Variants in MAN1C1 observed in about 807,000 individuals in gnomAD.
The protein encoded by MAN1C1 is mannosidase alpha class 1C member 1, also known as mannosyl-oligosaccharide 1,2-alpha-mannosidase IC.
MAN1C1 carries 49 observed loss-of-function variants against 71.5 expected under a neutral mutation model. The observed-to-expected ratio is 0.69, with a 90% CI of 0.54 to 0.87. The LOEUF (loss-of-function observed/expected upper bound fraction) is 0.87, where lower values mean the gene tolerates loss of function less well. Ranked by LOEUF, MAN1C1 falls within the 40% of genes least tolerant of loss-of-function variation. MAN1C1 has a pLI of 0.00. For missense variants in MAN1C1, 743 were observed against 835.0 expected, an observed-to-expected ratio of 0.89 and a Z score of 1.36; for synonymous variants, 352 against 343.7, an observed-to-expected ratio of 1.02 and a Z score of -0.27.
intron 2 of MAN1C1, among the ~76,000 whole-genome samples, chr1:25,729,049 A>G (rs1012771651): frequency 2.0e-5 from 3 of 152,118 alleles, no homozygotes; most frequent in Admixed American, 6.5e-5. Context: ...TCTAATGTAC[A>G]TGGTTTGCTC....
intron 8 of MAN1C1, among the ~76,000 whole-genome samples, chr1:25,774,131 C>T (rs900791450): frequency 2.6e-5 from 4 of 152,302 alleles, no homozygotes; most frequent in Admixed American, 2.6e-4. Flanking sequence ...AAATCCCAAT[C>T]TGAGATTTTT....
intron 2 of MAN1C1, among the ~76,000 whole-genome samples, chr1:25,712,881 C>T (rs778043405): frequency 1.3e-5 from 2 of 152,162 alleles, no homozygotes; most frequent in Admixed American, 6.5e-5. Flanking sequence ...AAGACCCCAG[C>T]TGGAATGGAA....
rs576494459 is a variant in MAN1C1 at position 25,725,227 on chromosome 1, G to A, written c.638-21441G>A. Among the ~76,000 whole-genome samples, 7 of 152,320 alleles carry A rather than the reference G, an allele frequency of 4.6e-5. No individual in the cohort carries two copies. Among genetic ancestry groups the A allele is most frequent in the African/African-American group, 1.7e-4 (7 of 41,566 alleles). ...GGCCCAGCAGGAGGTGGGAAAATAGGTATCTTGGGATCTTAGCAAAAGGAA... is the reference window on the plus strand; with the variant it reads ...GGCCCAGCAGGAGGTGGGAAAATAGATATCTTGGGATCTTAGCAAAAGGAA... On this transcript the variant is annotated intron_variant, in intron 2 of 11. Coordinates refer to ENST00000374332, the MANE Select transcript of MAN1C1 (RefSeq NM_020379.4). The surrounding 1 kb of genome is among the most constrained non-coding windows in gnomAD (Gnocchi z 4.8).
intron 1 of MAN1C1, among the ~76,000 whole-genome samples, chr1:25,618,634 C>T (rs1236890506): frequency 4.6e-5 from 7 of 152,052 alleles, no homozygotes; most frequent in Non-Finnish European, 8.8e-5. Flanking sequence ...TATCCAACCC[C>T]CAGGCCCAGT....
intron 2 of MAN1C1, among the ~76,000 whole-genome samples, chr1:25,731,333 ATCG>A (rs1194336944): frequency 1.4e-5 from 2 of 140,456 alleles, no homozygotes; most frequent in Non-Finnish European, 3.0e-5. Context: ...AATCATCATC[ATCG>A]TCATCATCAT....
chr1:25,702,097 G>A (rs1205734919), intron 2 of MAN1C1, among the ~76,000 whole-genome samples: 8 of 152,144 alleles, frequency 5.3e-5, no homozygotes, highest in Admixed American at 5.2e-4. Context: ...AGCCAAATTA[G>A]TTAGTTACAT....
chr1:25,699,606 G>A (rs1321663779), intron 2 of MAN1C1, among the ~76,000 whole-genome samples: 1 of 152,192 alleles, frequency 6.6e-6, no homozygotes, highest in Non-Finnish European at 1.5e-5. Context: ...CCACCCAGAT[G>A]AGGCCTGATC....
chr1:25,670,194 G>A (rs2045975328), intron 1 of MAN1C1, among the ~76,000 whole-genome samples: 1 of 152,244 alleles, frequency 6.6e-6, no homozygotes, highest in Non-Finnish European at 1.5e-5. Context: ...TGTGGATGCA[G>A]AGACGCCACT....
intron 1 of MAN1C1, among the ~76,000 whole-genome samples, chr1:25,629,006 T>C (rs373262201): frequency 2.0e-5 from 3 of 152,220 alleles, no homozygotes; most frequent in African/African-American, 4.8e-5. Flanking sequence ...CAATGGACAC[T>C]TAGGTTGGTC....
chr1:25,748,258 G>A (rs2047164647), intron 3 of MAN1C1, among the ~76,000 whole-genome samples: 1 of 152,176 alleles, frequency 6.6e-6, no homozygotes. Flanking sequence ...CTGAGAAATG[G>A]GAATGATGAC....
chr1:25,670,500 G>A (rs1186063769), intron 1 of MAN1C1, among the ~76,000 whole-genome samples: 1 of 152,202 alleles, frequency 6.6e-6, no homozygotes, highest in African/African-American at 2.4e-5. Context: ...AGCCTTCAGG[G>A]GGTGGGAATT....
chr1:25,670,612 T>C (rs1165560926), intron 1 of MAN1C1, among the ~76,000 whole-genome samples: 8 of 152,324 alleles, frequency 5.3e-5, no homozygotes, highest in African/African-American at 1.7e-4. Context: ...GTGTGCCACA[T>C]GCTGTCCAGA....
At chr1:25,717,679 G>A (rs538830164) in intron 2 of MAN1C1, among the ~76,000 whole-genome samples, 1 of 151,416 alleles carries the variant, frequency 6.6e-6, no homozygotes, top group South Asian at 2.1e-4. Flanking sequence ...GGGTTCAAGC[G>A]ATTCTCCTCC....
At position 25,730,934 on chromosome 1, in the gene MAN1C1, G is replaced by T. The variant is rs2046900485; in HGVS notation, c.638-15734G>T. ...TGGCTCAGAGAGGTTAAGTCATTTG[G>T]CTGTGGTCACAGGCTGGTAAGCCAC... On this transcript the variant is annotated intron_variant, in intron 2 of 11. Coordinates refer to ENST00000374332, the MANE Select transcript of MAN1C1 (RefSeq NM_020379.4). The surrounding 1 kb of genome is among the most constrained non-coding windows in gnomAD (Gnocchi z 4.3). 6.6e-6 allele frequency among the ~76,000 whole-genome samples: 1 copy of T among 152,174 alleles called. No homozygotes were observed. Among genetic ancestry groups the T allele is most frequent in the Non-Finnish European group, 1.5e-5 (1 of 68,034 alleles).
At chr1:25,707,847 G>T (rs1275156143) in intron 2 of MAN1C1, among the ~76,000 whole-genome samples, 1 of 152,230 alleles carries the variant, frequency 6.6e-6, no homozygotes, top group Non-Finnish European at 1.5e-5. Flanking sequence ...AGGGCCTGTA[G>T]CCTCTGTTTA....
rs1368737032 is a variant in MAN1C1, at chr1:25,730,030, C to G, written c.638-16638C>G. Among the ~76,000 whole-genome samples the G allele has an allele frequency of 1.3e-5, 2 of 152,196 alleles. No homozygotes were observed. Among genetic ancestry groups the G allele is most frequent in the African/African-American group, 4.8e-5 (2 of 41,448 alleles). On this transcript the variant is annotated intron_variant, in intron 2 of 11. Coordinates refer to ENST00000374332, the MANE Select transcript of MAN1C1 (RefSeq NM_020379.4). The surrounding 1 kb of genome is among the most constrained non-coding windows in gnomAD (Gnocchi z 4.3). ...TGCTGGGAAATTGCTTACTGTCTTT[C>G]TGAGAAAGCAGCTGCAGCCTCCGTA... is the stretch of plus-strand genomic sequence containing the variant.
chr1:25,700,338 G>A (rs2046425107), intron 2 of MAN1C1, among the ~76,000 whole-genome samples: 1 of 152,186 alleles, frequency 6.6e-6, no homozygotes, highest in African/African-American at 2.4e-5. Context: ...CCCAGATAAT[G>A]CTCCTCTTGA....
Position 25,781,218 on chromosome 1 carries a change from C to T in MAN1C1, c.1650+106C>T, listed in dbSNP as rs1032165415. The T allele has an allele frequency of 1.1e-5, 13 of 1,220,890 alleles. No individual in the cohort carries two copies. The Admixed American group carries it at 1.9e-4, about 18-fold the overall frequency. The allele number at this position is 1,220,890 out of a possible 1,614,324, so 75.6% of individuals were successfully genotyped here. A position where few individuals can be genotyped will look rare whatever the true frequency, so the allele number is the denominator to read the frequency against. ...GGGCCTGGAGTGGAAGGCCAAGCCA[C>T]GTTGACCTCTGACCACAGTTCAGAG... On this transcript the variant is annotated intron_variant, in intron 10 of 11. Transcript: ENST00000374332.
intron 1 of MAN1C1, among the ~76,000 whole-genome samples, chr1:25,660,184 CT>C (rs1173311172): frequency 1.3e-5 from 2 of 151,950 alleles, no homozygotes; most frequent in East Asian, 3.9e-4. Context: ...GGCGGATCAC[CT>C]GAGGTCAGGA....
Sources: gnomAD v4.1 joint callset for allele counts (sites outside exome capture counted in the v4.1 genomes callset) on GRCh38, gnomAD v4.1.1 for gene constraint, Gnocchi (gnomAD v3.1) non-coding constraint, MANE v1.5 for transcripts, NCBI Gene and HGNC (gene_info 2026-07-23, HGNC 2026-07-21) for gene names.